PLAA: variants seen among roughly 807,000 people sequenced by gnomAD.
The protein encoded by PLAA is phospholipase A-2-activating protein.
In PLAA, 48 loss-of-function variants were observed where a neutral mutation model predicts 84.1. The ratio of observed to expected loss-of-function variants is 0.57; its 90% CI spans 0.45 to 0.73. PLAA has a LOEUF of 0.73. Among genes scored for constraint, PLAA ranks in the 30% least tolerant of loss-of-function variants. The pLI is 0.00. For synonymous variants in PLAA, 392 were observed against 336.6 expected, an observed-to-expected ratio of 1.16 and a Z score of -1.80; for missense variants, 903 against 954.7, an observed-to-expected ratio of 0.95 and a Z score of 0.71.
chr9:26,907,899 C>G lies in PLAA; in HGVS notation c.1757G>C (p.Ser586Thr). The G allele has an allele frequency of 6.2e-7, 1 of 1,612,110 alleles. No homozygotes were observed. Among genetic ancestry groups the G allele is most frequent in the South Asian group, 1.1e-5 (1 of 90,616 alleles). Residue 586 changes from serine to threonine, a missense_variant, in exon 13 of 14, where the codon AGT (serine) becomes ACT (threonine). Transcript: ENST00000397292. ...CTGGACTGTGGGTTTTTCTGAAGAA[C>G]TATTACATATTAGAGACAGTATCTT... ...LEKILSLICN[S>T]SSEKPTVQQL...
chr9:26,915,480 G>A (rs1393749827), intron 10 of PLAA, among the ~76,000 whole-genome samples: 1 of 152,154 alleles, frequency 6.6e-6, no homozygotes, highest in Non-Finnish European at 1.5e-5. Flanking sequence ...TAGCCAGATA[G>A]GGAAATCTTT....
intron 7 of PLAA, among the ~76,000 whole-genome samples, chr9:26,921,891 T>C (rs1056978658): frequency 6.6e-6 from 1 of 152,252 alleles, no homozygotes; most frequent in Non-Finnish European, 1.5e-5. Flanking sequence ...CTGGTGGAGA[T>C]ACATTTTTCC....
intron 10 of PLAA, chr9:26,915,840 T>C (rs1187217619): frequency 3.0e-6 from 3 of 985,312 alleles, no homozygotes; most frequent in Admixed American, 6.1e-5. Flanking sequence ...ATATGTTCTT[T>C]CTGTTCCAGA....
intron 1 of PLAA, among the ~76,000 whole-genome samples, chr9:26,937,550 T>C (rs143217923): frequency 2.0e-5 from 3 of 152,108 alleles, no homozygotes; most frequent in East Asian, 1.9e-4. Flanking sequence ...ATTAAGTCAA[T>C]AGACACTGTC....
chr9:26,926,604 T>A, intron 4 of PLAA, 44 bp from the exon 5 acceptor site: 4 of 1,423,146 alleles, frequency 2.8e-6, no homozygotes, highest in Non-Finnish European at 3.9e-6. Context: ...ACTGATAATT[T>A]GGCTGATGGC....
At chr9:26,926,325 C>A in intron 5 of PLAA, 68 bp downstream of exon 5, 1 of 997,532 alleles carries the variant, frequency 1.0e-6, no homozygotes, top group South Asian at 1.5e-5. Flanking sequence ...CTCCTCCCTC[C>A]ATCTCACAAA....
intron 7 of PLAA, among the ~76,000 whole-genome samples, chr9:26,921,068 A>C (rs1824742419): frequency 6.6e-6 from 1 of 152,006 alleles, no homozygotes; most frequent in African/African-American, 2.4e-5. Flanking sequence ...TACAAGACCA[A>C]ATATAAATTG....
At chr9:26,941,609 A>G (rs114306544) in intron 1 of PLAA, among the ~76,000 whole-genome samples, 329 of 152,292 alleles carry the variant, frequency 2.2e-3, no homozygotes, top group African/African-American at 7.1e-3. Context: ...AAAAAAACCA[A>G]TATGGAGGAA....
intron 1 of PLAA, among the ~76,000 whole-genome samples, chr9:26,946,376 T>G (rs1429991053): frequency 1.3e-5 from 2 of 150,364 alleles, no homozygotes; most frequent in African/African-American, 2.5e-5. Context: ...ATCCGAGAGG[T>G]TTCACTCCCT....
chr9:26,905,700 C>T lies in PLAA; in HGVS notation c.2199G>A (p.Leu733=), dbSNP rs1160560489. The T allele has an allele frequency of 1.2e-6, 2 of 1,614,036 alleles. No homozygotes were observed. Among genetic ancestry groups the T allele is most frequent in the Non-Finnish European group, 1.7e-6 (2 of 1,180,022 alleles). The change falls in exon 14 of 14, where the codon TTG becomes TTA. Residue 733 remains leucine, a synonymous_variant. Transcript: ENST00000397292. The part of the protein sequence containing the change: ...AQCLSLISTI[L]EVVQDLEATF... ...TGGCTTCTAGGTCTTGTACTACTTC[C>T]AAGATTGTGCTAATTAGTGACAAAC...
At chr9:26,945,967 C>T (rs1237174322) in intron 1 of PLAA, among the ~76,000 whole-genome samples, 1 of 152,100 alleles carries the variant, frequency 6.6e-6, no homozygotes, top group Non-Finnish European at 1.5e-5. Flanking sequence ...GTTTTTTAAT[C>T]TATCTTCCCC....
chr9:26,928,239 T>TC lies in PLAA; in HGVS notation c.445-20dup. The stretch of plus-strand genomic sequence containing the variant: ...TATGACCCTGTGAGTAAAATGAGTA[T>TC]CAATTTAAGTTGCCACAGAATCATT... On this transcript the variant is annotated intron_variant, in intron 3 of 13. Transcript: ENST00000397292. 1 of 1,614,096 alleles carries TC rather than the reference T, an allele frequency of 6.2e-7. No individual in the cohort carries two copies. Among genetic ancestry groups the TC allele is most frequent in the South Asian group, 1.1e-5 (1 of 91,082 alleles).
intron 12 of PLAA, among the ~76,000 whole-genome samples, chr9:26,908,545 C>A (rs945393548): frequency 2.0e-5 from 3 of 151,632 alleles, no homozygotes; most frequent in Admixed American, 1.3e-4. Flanking sequence ...CTCACTGCAA[C>A]CTCCGCCATC....
intron 2 of PLAA, among the ~76,000 whole-genome samples, chr9:26,933,652 G>A (rs935556847): frequency 6.6e-6 from 1 of 151,330 alleles, no homozygotes; most frequent in Non-Finnish European, 1.5e-5. Context: ...AGCCGGGCGT[G>A]GTAGCAGGCG....
In PLAA at chr9:26,908,040, T is replaced by C. The variant is rs368477177; in HGVS notation, c.1658-42A>G. ...AACTTTCAAAATTCTCTAACTGTAATTGGCCAGATAATATATAAATGCCAA... is the reference window on the plus strand; with the variant it reads ...AACTTTCAAAATTCTCTAACTGTAACTGGCCAGATAATATATAAATGCCAA... On this transcript the variant is annotated intron_variant, in intron 12 of 13. Transcript: ENST00000397292. 93 of 1,469,214 alleles carry C rather than the reference T, an allele frequency of 6.3e-5. 2 individuals are homozygous for C. The highest frequency in any genetic ancestry group is 3.7e-4 in the East Asian group (16 of 43,784). The allele number at this position is 1,469,214 out of a possible 1,614,324, so 91.0% of individuals were successfully genotyped here.
At chr9:26,927,127 C>CTTTTTCTTTT (rs1554659724) in intron 4 of PLAA, among the ~76,000 whole-genome samples, 1 of 136,784 alleles carries the variant, frequency 7.3e-6, no homozygotes, top group Non-Finnish European at 1.5e-5. Flanking sequence ...TTTTGTTTTT[C>CTTTTTCTTTT]TTTTTTTTTT....
At chr9:26,946,457 A>C (rs1825717234) in intron 1 of PLAA, among the ~76,000 whole-genome samples, 1 of 151,966 alleles carries the variant, frequency 6.6e-6, no homozygotes, top group African/African-American at 2.4e-5. Context: ...GCAATTTTTG[A>C]GAACTAAAGT....
intron 2 of PLAA, among the ~76,000 whole-genome samples, chr9:26,934,477 T>A (rs890292993): frequency 5.5e-4 from 5 of 9,112 alleles, no homozygotes; most frequent in Non-Finnish European, 2.1e-3. Flanking sequence ...ACACTTTACT[T>A]TTTTTTTTTT....
chr9:26,934,204 T>C (rs1375418597), intron 2 of PLAA, among the ~76,000 whole-genome samples: 1 of 152,218 alleles, frequency 6.6e-6, no homozygotes, highest in African/African-American at 2.4e-5. Flanking sequence ...ACTGCACCGA[T>C]TAAGCATGTC....
Sources: gnomAD v4.1 joint callset for allele counts (sites outside exome capture counted in the v4.1 genomes callset) on GRCh38, gnomAD v4.1.1 for gene constraint, MANE v1.5 for transcripts, NCBI Gene and HGNC (gene_info 2026-07-23, HGNC 2026-07-21) for gene names.